Variants in PRKG1 observed in about 807,000 individuals in gnomAD.
PRKG1 encodes the protein cGMP-dependent protein kinase 1.
In PRKG1, 35 loss-of-function variants were observed where a neutral mutation model predicts 88.1. That is an observed-to-expected ratio of 0.40 (90% CI 0.30 to 0.53). The LOEUF (loss-of-function observed/expected upper bound fraction) is 0.53. PRKG1 is among the 20% of genes least tolerant of loss of function. PRKG1 has a pLI of 0.59. For missense variants in PRKG1, 540 were observed against 839.8 expected, an observed-to-expected ratio of 0.64 and a Z score of 4.41; for synonymous variants, 303 against 292.5, an observed-to-expected ratio of 1.04 and a Z score of -0.37.
chr10:51,031,597 A>T (rs866799558), intron 1 of PRKG1, among the ~76,000 whole-genome samples: 23 of 152,180 alleles, frequency 1.5e-4, no homozygotes, highest in African/African-American at 4.8e-4. Flanking sequence ...ATTGCTCTTT[A>T]CTGTATACAT....
chr10:52,204,230 T>C (rs1839755468), intron 9 of PRKG1, among the ~76,000 whole-genome samples: 1 of 152,074 alleles, frequency 6.6e-6, no homozygotes, highest in African/African-American at 2.4e-5. Flanking sequence ...CCTGGGTAGC[T>C]GAGATTACAG....
chr10:51,099,930 C>T (rs1449450789), intron 1 of PRKG1, among the ~76,000 whole-genome samples: 5 of 152,096 alleles, frequency 3.3e-5, no homozygotes, highest in Non-Finnish European at 7.4e-5. Context: ...AGATCTTGTT[C>T]TGTCACTTAG....
At chr10:51,273,859 G>A (rs577082944) in intron 2 of PRKG1, among the ~76,000 whole-genome samples, 3 of 152,278 alleles carry the variant, frequency 2.0e-5, no homozygotes, top group South Asian at 2.1e-4. Context: ...TTTCGGCACC[G>A]GATCTCAGGA....
chr10:51,674,919 G>A (rs1050844335), intron 3 of PRKG1, among the ~76,000 whole-genome samples: 2 of 152,108 alleles, frequency 1.3e-5, no homozygotes, highest in Non-Finnish European at 2.9e-5. Flanking sequence ...ATATGGAGGA[G>A]GGAAGGGATC....
chr10:51,684,355 G>A (rs917948674), intron 3 of PRKG1, among the ~76,000 whole-genome samples: 1 of 152,162 alleles, frequency 6.6e-6, no homozygotes, highest in Admixed American at 6.6e-5. Context: ...AGTGGATCCA[G>A]TGTTTCTTTC....
chr10:51,385,481 G>C (rs1352662099), intron 2 of PRKG1, among the ~76,000 whole-genome samples: 1 of 152,164 alleles, frequency 6.6e-6, no homozygotes, highest in East Asian at 1.9e-4. Context: ...TTTACCCACA[G>C]TAGCCCATTC....
At chr10:51,647,355 T>C (rs904465945) in intron 3 of PRKG1, among the ~76,000 whole-genome samples, 3 of 152,212 alleles carry the variant, frequency 2.0e-5, no homozygotes, top group Admixed American at 6.5e-5. Flanking sequence ...TCACATTTCA[T>C]GGAGGTTTGT....
chr10:51,357,533 C>A (rs571880599), intron 2 of PRKG1, among the ~76,000 whole-genome samples: 2 of 151,918 alleles, frequency 1.3e-5, no homozygotes, highest in South Asian at 4.1e-4. Flanking sequence ...TCAGTTAAGG[C>A]AACTCTTATT....
At chr10:51,505,179 G>T (rs1448506596) in intron 3 of PRKG1, among the ~76,000 whole-genome samples, 2 of 152,140 alleles carry the variant, frequency 1.3e-5, no homozygotes, top group African/African-American at 4.8e-5. Flanking sequence ...TTTTTAGCAT[G>T]AAGGGTTGTT....
intron 2 of PRKG1, among the ~76,000 whole-genome samples, chr10:51,159,483 T>C (rs960829135): frequency 2.0e-5 from 3 of 152,132 alleles, no homozygotes; most frequent in Admixed American, 6.6e-5. Context: ...ATAATGTTAA[T>C]GTTAAAGAGA....
intron 14 of PRKG1, among the ~76,000 whole-genome samples, chr10:52,284,296 A>G (rs1472212305): frequency 6.6e-6 from 1 of 152,078 alleles, no homozygotes; most frequent in Non-Finnish European, 1.5e-5. Flanking sequence ...TTTATGTTGT[A>G]TTTTCAAAAC....
rs59970756 is a variant in PRKG1, at chr10:51,858,411, A to T, written c.699-49096A>T. ...ATATAATATATATAATATATATAAAATATATATATAATATATATATATAGT... is the reference window on the plus strand; with the variant it reads ...ATATAATATATATAATATATATAAATTATATATATAATATATATATATAGT... On this transcript the variant is annotated intron_variant, in intron 4 of 17. Coordinates refer to ENST00000373980, the MANE Select transcript of PRKG1 (RefSeq NM_006258.4). 3.9e-3 allele frequency among the ~76,000 whole-genome samples: 244 copies of T among 62,172 alleles called. 37 individuals carry two copies. The highest frequency in any genetic ancestry group is 8.0e-3 in the Admixed American group (31 of 3,882). 40.8% of individuals were successfully genotyped at this position (62,172 alleles called of 152,430 possible). A position where few individuals can be genotyped will look rare whatever the true frequency, so the allele number is the denominator to read the frequency against.
At chr10:51,285,188 T>G (rs1840410289) in intron 2 of PRKG1, among the ~76,000 whole-genome samples, 1 of 151,852 alleles carries the variant, frequency 6.6e-6, no homozygotes, top group Admixed American at 6.6e-5. Context: ...GAATGATGGT[T>G]TTTTTTAAAA....
intron 9 of PRKG1, among the ~76,000 whole-genome samples, chr10:52,175,356 T>C (rs2132717440): frequency 6.6e-6 from 1 of 152,228 alleles, no homozygotes; most frequent in South Asian, 2.1e-4. Flanking sequence ...TTTGTATATA[T>C]ACCACATTTT....
chr10:51,113,746 A>AAAAAC (rs1564605217), intron 1 of PRKG1, among the ~76,000 whole-genome samples: 2 of 143,308 alleles, frequency 1.4e-5, no homozygotes, highest in Non-Finnish European at 3.0e-5. Flanking sequence ...AAAAAAAAAA[A>AAAAAC]AAACTAAAAG....
chr10:52,138,455 T>C (rs1384924955), intron 8 of PRKG1, among the ~76,000 whole-genome samples: 1 of 152,118 alleles, frequency 6.6e-6, no homozygotes, highest in Non-Finnish European at 1.5e-5. Context: ...ACTTTTCTGT[T>C]TGTCATGGGA....
At chr10:50,994,165 G>A (rs1321866003) in intron 1 of PRKG1, among the ~76,000 whole-genome samples, 1 of 152,044 alleles carries the variant, frequency 6.6e-6, no homozygotes, top group Non-Finnish European at 1.5e-5. Context: ...AGTTTTGACA[G>A]GTATAATATA....
At chr10:51,431,320 G>A (rs1588951298) in intron 2 of PRKG1, among the ~76,000 whole-genome samples, 1 of 152,146 alleles carries the variant, frequency 6.6e-6, no homozygotes, top group Admixed American at 6.6e-5. Flanking sequence ...ACCATGTAGG[G>A]CCACACGGGG....
At chr10:51,088,597 C>T (rs1212730448) in intron 1 of PRKG1, among the ~76,000 whole-genome samples, 2 of 152,004 alleles carry the variant, frequency 1.3e-5, no homozygotes, top group African/African-American at 4.8e-5. Context: ...TGGGATTGGG[C>T]TTCCATTTCT....
Sources: gnomAD v4.1 joint callset for allele counts (sites outside exome capture counted in the v4.1 genomes callset) on GRCh38, gnomAD v4.1.1 for gene constraint, MANE v1.5 for transcripts, NCBI Gene and HGNC (gene_info 2026-07-23, HGNC 2026-07-21) for gene names.